TRAK1: variants seen among roughly 807,000 people sequenced by gnomAD.
TRAK1 encodes the protein trafficking kinesin protein 1.
TRAK1 carries 33 observed loss-of-function variants against 92.1 expected under a neutral mutation model. The ratio of observed to expected loss-of-function variants is 0.36; its 90% CI spans 0.27 to 0.48. The LOEUF (loss-of-function observed/expected upper bound fraction) is 0.48. TRAK1 is among the 20% of genes least tolerant of loss of function. TRAK1 has a pLI of 0.99. For synonymous variants in TRAK1, 521 were observed against 517.3 expected, an observed-to-expected ratio of 1.01 and a Z score of -0.10; for missense variants, 1,123 against 1,257.9, an observed-to-expected ratio of 0.89 and a Z score of 1.62.
intron 2 of TRAK1, among the ~76,000 whole-genome samples, chr3:42,175,224 C>G (rs538789269): frequency 2.5e-4 from 38 of 152,208 alleles, no homozygotes; most frequent in African/African-American, 8.9e-4. Context: ...GCTGCAGATG[C>G]TTTGGCGTGC....
At chr3:42,206,577 A>G (rs1234681637) in intron 13 of TRAK1, among the ~76,000 whole-genome samples, 1 of 152,230 alleles carries the variant, frequency 6.6e-6, no homozygotes, top group Non-Finnish European at 1.5e-5. Flanking sequence ...CAGAATGCAG[A>G]CAGCAGGGAT....
At chr3:42,141,462 A>G (rs2149218785) in intron 2 of TRAK1, among the ~76,000 whole-genome samples, 1 of 152,360 alleles carries the variant, frequency 6.6e-6, no homozygotes, top group South Asian at 2.1e-4. Context: ...GATATTAAAG[A>G]AAATACGATC....
At chr3:42,075,806 G>A (rs1416116470) in intron 1 of TRAK1, among the ~76,000 whole-genome samples, 2 of 152,028 alleles carry the variant, frequency 1.3e-5, no homozygotes, top group Non-Finnish European at 2.9e-5. Context: ...AGAAGTGTCT[G>A]TTCATGGCCT....
chr3:42,030,349 G>A (rs1414994486), intron 1 of TRAK1, among the ~76,000 whole-genome samples: 1 of 134,352 alleles, frequency 7.4e-6, no homozygotes, highest in African/African-American at 2.8e-5. Context: ...GAGACAAAGC[G>A]AGACCCTGTC....
intron 2 of TRAK1, among the ~76,000 whole-genome samples, chr3:42,133,435 G>A (rs150964413): frequency 7.2e-5 from 11 of 152,140 alleles, no homozygotes; most frequent in African/African-American, 2.4e-4. Flanking sequence ...GCCTAGGCTG[G>A]CCTCGAACTC....
chr3:42,156,225 C>G (rs968558287), intron 2 of TRAK1, among the ~76,000 whole-genome samples: 14 of 152,254 alleles, frequency 9.2e-5, no homozygotes, highest in Non-Finnish European at 1.9e-4. Context: ...AGAAACTACA[C>G]TCTCAGGGAA....
chr3:42,121,601 T>C (rs1240623483), intron 1 of TRAK1, among the ~76,000 whole-genome samples: 1 of 152,128 alleles, frequency 6.6e-6, no homozygotes, highest in African/African-American at 2.4e-5. Context: ...GTTTACCTGA[T>C]GTCAGGCCTT....
chr3:42,193,720 C>A, intron 8 of TRAK1, 104 bp from the exon 9 acceptor site: 1 of 1,178,914 alleles, frequency 8.5e-7, no homozygotes, highest in Non-Finnish European at 1.3e-6. Context: ...TGAGCATGTC[C>A]TTGTAGAAAG....
chr3:42,114,502 C>T (rs1708907239), intron 1 of TRAK1, among the ~76,000 whole-genome samples: 1 of 152,164 alleles, frequency 6.6e-6, no homozygotes, highest in South Asian at 2.1e-4. Context: ...GGTGCAATTA[C>T]TGGTTTAAGG....
chr3:42,209,844 G>T lies in TRAK1; in HGVS notation c.1822G>T (p.Val608Phe). ...GGILDPRPGV[V>F]TKGFRTLDVD... is the part of the protein sequence containing the mutation. ...CATCCTGGACCCCCGGCCCGGTGTG[G>T]TCACCAAGGGCTTCCGGACGCTGGA... Residue 608 changes from valine (V) to phenylalanine (F), a missense_variant, in exon 14 of 16, where the codon GTC (valine) becomes TTC (phenylalanine). Val to Phe is a conservative substitution (Grantham distance 50). Coordinates refer to ENST00000327628, the MANE Select transcript of TRAK1 (RefSeq NM_001042646.3). 6.2e-7 allele frequency: 1 copy of T among 1,614,190 alleles called. No homozygotes were observed. The highest frequency in any genetic ancestry group is 8.5e-7 in the Non-Finnish European group (1 of 1,180,032).
intron 2 of TRAK1, among the ~76,000 whole-genome samples, chr3:42,176,351 T>C (rs145727430): frequency 1.3e-5 from 2 of 152,322 alleles, no homozygotes; most frequent in East Asian, 3.9e-4. Flanking sequence ...TATTGTTTAA[T>C]AATTATGCCA....
chr3:42,158,023 A>G (rs1411362206), intron 2 of TRAK1, among the ~76,000 whole-genome samples: 1 of 152,174 alleles, frequency 6.6e-6, no homozygotes, highest in Non-Finnish European at 1.5e-5. Context: ...ACCGGCATTC[A>G]CTGTAGTGTT....
rs1559752005 is a variant in TRAK1, at chr3:42,091,456, G to GT, written c.-11dup. On this transcript the variant is annotated 5_prime_UTR_variant, in exon 1 of 16. Coordinates refer to ENST00000327628, the MANE Select transcript of TRAK1 (RefSeq NM_001042646.3). ...CTCTGTTCTCTGAAGTGCCTTTGGA[G>GT]TTTATGTCTGCACATGGCATTGGTT... The GT allele has an allele frequency of 3.7e-6, 6 of 1,613,122 alleles. No homozygotes were observed. The highest frequency in any genetic ancestry group is 4.2e-6 in the Non-Finnish European group (5 of 1,179,552).
intron 10 of TRAK1, among the ~76,000 whole-genome samples, chr3:42,196,618 A>G (rs570052452): frequency 6.8e-6 from 1 of 147,508 alleles, no homozygotes; most frequent in African/African-American, 2.5e-5. Flanking sequence ...GCTCACTGCA[A>G]CCTCCCTCTC....
chr3:42,126,562 ATG>A (rs1229616587), intron 2 of TRAK1, among the ~76,000 whole-genome samples: 1 of 152,236 alleles, frequency 6.6e-6, no homozygotes, highest in African/African-American at 2.4e-5. Context: ...TTTATTCAAA[ATG>A]TGCCTTTTTA....
In TRAK1 at chr3:42,201,869, CGG is replaced by C. The variant is rs1491233051; in HGVS notation, c.1428-566_1428-565del. Among the ~76,000 whole-genome samples the C allele has an allele frequency of 8.7e-4, 118 of 135,886 alleles. 2 individuals carry two copies. Among genetic ancestry groups the C allele is most frequent in the African/African-American group, 3.3e-3 (115 of 35,162 alleles). 89.1% of individuals were successfully genotyped at this position (135,886 alleles called of 152,430 possible). A position where few individuals can be genotyped will look rare whatever the true frequency, so the allele number is the denominator to read the frequency against. Reference sequence around the variant, plus strand: ...TGCAGAACCTGGACGGACGGACGGACGGACGGACAGACGGACACACACACACA... The same window carrying C: ...TGCAGAACCTGGACGGACGGACGGACACGGACAGACGGACACACACACACA... On this transcript the variant is annotated intron_variant, in intron 12 of 15. Coordinates refer to ENST00000327628, the MANE Select transcript of TRAK1 (RefSeq NM_001042646.3).
At chr3:42,134,368 C>G (rs181310487) in intron 2 of TRAK1, among the ~76,000 whole-genome samples, 244 of 151,724 alleles carry the variant, frequency 1.6e-3, no homozygotes, top group African/African-American at 5.5e-3. Context: ...GCCTTGACCT[C>G]TTGGCCTCAA....
chr3:42,181,774 A>G (rs1180831988), intron 3 of TRAK1, among the ~76,000 whole-genome samples: 2 of 152,108 alleles, frequency 1.3e-5, no homozygotes, highest in Non-Finnish European at 2.9e-5. Context: ...GAACATTGGT[A>G]TTGCAGTTTT....
chr3:42,048,771 C>T (rs1702863739), intron 1 of TRAK1, among the ~76,000 whole-genome samples: 1 of 152,060 alleles, frequency 6.6e-6, no homozygotes, highest in Non-Finnish European at 1.5e-5. Flanking sequence ...CCCATGTTGC[C>T]CAGGCTGGTC....
Sources: gnomAD v4.1 joint callset for allele counts (sites outside exome capture counted in the v4.1 genomes callset) on GRCh38, gnomAD v4.1.1 for gene constraint, MANE v1.5 for transcripts, NCBI Gene and HGNC (gene_info 2026-07-23, HGNC 2026-07-21) for gene names.